Variants in RASA1 observed in about 807,000 individuals in gnomAD.
The protein encoded by RASA1 is ras GTPase-activating protein 1.
A neutral mutation model predicts 132.2 loss-of-function variants in RASA1; 25 were observed. The ratio of observed to expected loss-of-function variants is 0.19; its 90% CI spans 0.14 to 0.26. The LOEUF (loss-of-function observed/expected upper bound fraction) is 0.26. Among genes scored for constraint, RASA1 ranks in the 10% least tolerant of loss-of-function variants. RASA1 has a pLI of 1.00. For missense variants in RASA1, 964 were observed against 1,299.2 expected (o/e 0.74, Z 3.97); for synonymous variants, 477 against 449.9 (o/e 1.06, Z -0.76).
intron 14 of RASA1, 87 bp from the exon 15 acceptor site, chr5:87,374,752 AG>A (rs1291264780): frequency 1.3e-6 from 2 of 1,542,280 alleles, no homozygotes; most frequent in African/African-American, 1.4e-5. Flanking sequence ...AAGCAGAAAT[AG>A]GGGGTTTATT....
chr5:87,270,298 T>G (rs1335493430), intron 1 of RASA1, among the ~76,000 whole-genome samples: 1 of 151,056 alleles, frequency 6.6e-6, no homozygotes, highest in Non-Finnish European at 1.5e-5. Flanking sequence ...AAAAAAGATT[T>G]GGTTCATATG....
intron 9 of RASA1, among the ~76,000 whole-genome samples, chr5:87,355,703 G>C (rs890005644): frequency 1.1e-4 from 16 of 152,192 alleles, no homozygotes; most frequent in Non-Finnish European, 2.2e-4. Context: ...GTGACTTATG[G>C]ATCTGGGCAA....
Position 87,376,802 on chromosome 5 carries a change from G to T in RASA1, c.2185-79G>T, listed in dbSNP as rs1318765457. 6 of 1,409,694 alleles carry T rather than the reference G, an allele frequency of 4.3e-6. No individual in the cohort carries two copies. The South Asian group carries it at 7.3e-5, about 17-fold the overall frequency. 87.3% of individuals were successfully genotyped at this position (1,409,694 alleles called of 1,614,324 possible). A position where few individuals can be genotyped will look rare whatever the true frequency, so the allele number is the denominator to read the frequency against. ...ATTTTAAATATAAGAACTTGTGAAAGAACATATTTCTTGTTAGTCTCATGG... is the reference window on the plus strand; with the variant it reads ...ATTTTAAATATAAGAACTTGTGAAATAACATATTTCTTGTTAGTCTCATGG... On this transcript the variant is annotated intron_variant, in intron 16 of 24. Coordinates refer to ENST00000274376, the MANE Select transcript of RASA1 (RefSeq NM_002890.3).
chr5:87,317,618 CTG>C (rs1377963030), intron 1 of RASA1, among the ~76,000 whole-genome samples: 8 of 151,108 alleles, frequency 5.3e-5, no homozygotes, highest in Admixed American at 3.3e-4. Flanking sequence ...CCTAATAAGA[CTG>C]TTTTTCTCAT....
At chr5:87,386,446 T>C (rs190949589) in intron 22 of RASA1, among the ~76,000 whole-genome samples, 20 of 152,200 alleles carry the variant, frequency 1.3e-4, no homozygotes, top group Admixed American at 5.9e-4. Context: ...CTCTGCTGGA[T>C]TCAAACCTAT....
At chr5:87,383,444 AAAC>A (rs1462637741) in intron 20 of RASA1, among the ~76,000 whole-genome samples, 3 of 152,194 alleles carry the variant, frequency 2.0e-5, no homozygotes, top group Admixed American at 2.0e-4. Flanking sequence ...TACTACAGAT[AAAC>A]AACATTTTCC....
chr5:87,326,005 T>C (rs536954844), intron 1 of RASA1, among the ~76,000 whole-genome samples: 1 of 152,142 alleles, frequency 6.6e-6, no homozygotes, highest in African/African-American at 2.4e-5. Context: ...AGGGTCTCTC[T>C]CTGTTGCCCA....
intron 1 of RASA1, among the ~76,000 whole-genome samples, chr5:87,273,326 TAAA>T (rs533733090): frequency 1.1e-4 from 17 of 152,138 alleles, no homozygotes; most frequent in African/African-American, 3.6e-4. Context: ...ATTATAAAAA[TAAA>T]AAAAATTCTT....
At chr5:87,287,296 A>G (rs1049936646) in intron 1 of RASA1, among the ~76,000 whole-genome samples, 3 of 145,080 alleles carry the variant, frequency 2.1e-5, no homozygotes, top group African/African-American at 5.3e-5. Flanking sequence ...ATATATATAC[A>G]CCATATATAC....
intron 1 of RASA1, among the ~76,000 whole-genome samples, chr5:87,306,860 C>T (rs1023292984): frequency 6.6e-6 from 1 of 151,994 alleles, no homozygotes; most frequent in African/African-American, 2.4e-5. Flanking sequence ...GTACCCTCCG[C>T]CACCTCCCCT....
chr5:87,288,202 C>T (rs918859186), intron 1 of RASA1, among the ~76,000 whole-genome samples: 3 of 147,036 alleles, frequency 2.0e-5, no homozygotes, highest in African/African-American at 7.5e-5. Flanking sequence ...TATATATATA[C>T]CAGAAGCAAT....
chr5:87,381,518 C>T lies in RASA1; in HGVS notation c.2690+923C>T, dbSNP rs190773546. On this transcript the variant is annotated intron_variant, in intron 20 of 24. Coordinates refer to ENST00000274376, the MANE Select transcript of RASA1 (RefSeq NM_002890.3). ...GGCAACCATTAACACCATTATTACA[C>T]AGTTTGTTTTGAAAATGTGTTAATC... Among the ~76,000 whole-genome samples the T allele has an allele frequency of 1.9e-4, 29 of 152,280 alleles. 1 individual carries two copies. In the East Asian group the frequency reaches 4.6e-3, roughly 24 times the overall value.
intron 1 of RASA1, among the ~76,000 whole-genome samples, chr5:87,269,789 C>CT (rs1231330581): frequency 1.3e-5 from 2 of 152,068 alleles, no homozygotes; most frequent in Non-Finnish European, 2.9e-5. Flanking sequence ...AGGACAATGA[C>CT]TTTTTTAAAA....
Sources: allele counts gnomAD v4.1 joint callset (sites outside exome capture counted in the v4.1 genomes callset), GRCh38; gene constraint gnomAD v4.1.1; transcripts MANE v1.5; gene names NCBI Gene and HGNC (gene_info 2026-07-23, HGNC 2026-07-21).